Variants in APBB2 observed in about 807,000 individuals in gnomAD.
APBB2 encodes amyloid beta precursor protein binding family B member 2, also known as Fe65-like 1.
APBB2 carries 38 observed loss-of-function variants against 82.5 expected under a neutral mutation model. The observed-to-expected ratio is 0.46, with a 90% CI of 0.36 to 0.60. APBB2 has a LOEUF of 0.60. Ranked by LOEUF, APBB2 falls within the 20% of genes least tolerant of loss-of-function variation. APBB2 has a pLI of 0.00. For missense variants in APBB2, 772 were observed against 972.3 expected, an observed-to-expected ratio of 0.79 and a Z score of 2.74; for synonymous variants, 341 against 368.2, an observed-to-expected ratio of 0.93 and a Z score of 0.85.
At chr4:41,002,503 T>C (rs764445138) in intron 6 of APBB2, among the ~76,000 whole-genome samples, 1 of 152,234 alleles carries the variant, frequency 6.6e-6, no homozygotes, top group Non-Finnish European at 1.5e-5. Context: ...CTGGTTCTTC[T>C]ACCGTAACAG....
At chr4:40,874,273 T>TAC (rs1766278941) in intron 12 of APBB2, among the ~76,000 whole-genome samples, 1 of 152,226 alleles carries the variant, frequency 6.6e-6, no homozygotes, top group Non-Finnish European at 1.5e-5. Context: ...ACTAAATTCT[T>TAC]ACATGCATAT....
chr4:40,884,988 T>C (rs1769808952), intron 12 of APBB2, among the ~76,000 whole-genome samples: 1 of 152,174 alleles, frequency 6.6e-6, no homozygotes, highest in Non-Finnish European at 1.5e-5. Flanking sequence ...TTAAAAGTTG[T>C]TCATCAAAAC....
intron 6 of APBB2, among the ~76,000 whole-genome samples, chr4:40,977,511 C>T (rs1399122373): frequency 6.6e-6 from 1 of 152,106 alleles, no homozygotes; most frequent in East Asian, 1.9e-4. Context: ...CAGAGTTTCG[C>T]CATGTTGGCC....
At chr4:41,111,871 A>G (rs1749308479) in intron 2 of APBB2, among the ~76,000 whole-genome samples, 1 of 152,218 alleles carries the variant, frequency 6.6e-6, no homozygotes, top group African/African-American at 2.4e-5. Context: ...TGTTTTTCTC[A>G]GGTCCTTTCC....
intron 6 of APBB2, among the ~76,000 whole-genome samples, chr4:40,946,347 C>T (rs761373790): frequency 6.6e-6 from 1 of 150,968 alleles, no homozygotes; most frequent in Non-Finnish European, 1.5e-5. Flanking sequence ...ACATGTGAAG[C>T]AGAGTGTGAG....
chr4:40,881,501 G>A lies in APBB2; in HGVS notation c.1529+8863C>T, dbSNP rs545287647. On this transcript the variant is annotated intron_variant, in intron 12 of 17. Transcript: ENST00000508593. ...CAAAAGAGACCCATTATTCCTTTTCGCTTTCTTTCCTTTTATCTTTTCTTT... is the reference window on the plus strand; with the variant it reads ...CAAAAGAGACCCATTATTCCTTTTCACTTTCTTTCCTTTTATCTTTTCTTT... The A allele has an allele frequency of 8.3e-5, 30 of 362,960 alleles. No homozygotes were observed. The South Asian group carries it at 3.2e-3, about 38-fold the overall frequency. 22.5% of individuals were successfully genotyped at this position (362,960 alleles called of 1,614,324 possible). A position where few individuals can be genotyped will look rare whatever the true frequency, so the allele number is the denominator to read the frequency against.
Position 40,934,717 on chromosome 4 carries a change from C to T in APBB2, c.1108-18G>A, listed in dbSNP as rs1484053677. The stretch of plus-strand genomic sequence containing the variant: ...TGCAAATCCTAGAGGAAAATAGAAC[C>T]TTGTTAATGTACAATGGGGGAGAAG... On this transcript the variant is annotated intron_variant, in intron 8 of 17. Transcript: ENST00000508593. 6.4e-7 allele frequency: 1 copy of T among 1,573,002 alleles called. No homozygotes were observed. Among genetic ancestry groups the T allele is most frequent in the Non-Finnish European group, 8.7e-7 (1 of 1,143,428 alleles).
intron 10 of APBB2, among the ~76,000 whole-genome samples, chr4:40,928,820 G>T (rs368238123): frequency 6.6e-6 from 1 of 151,116 alleles, no homozygotes; most frequent in Non-Finnish European, 1.5e-5. Context: ...AGAAGGCGGC[G>T]GTTGCAGTGA....
At chr4:40,848,359 C>T (rs1396022865) in intron 12 of APBB2, among the ~76,000 whole-genome samples, 2 of 152,176 alleles carry the variant, frequency 1.3e-5, no homozygotes, top group Non-Finnish European at 2.9e-5. Flanking sequence ...ATTGAAGGGT[C>T]AGAGAGTTTA....
rs1227831697 is a variant in APBB2, at chr4:41,095,632, G to A, written c.-149+5007C>T. Among the ~76,000 whole-genome samples the A allele has an allele frequency of 3.9e-5, 6 of 152,140 alleles. No homozygotes were observed. The East Asian group carries it at 7.7e-4, about 20-fold the overall frequency. On this transcript the variant is annotated intron_variant, in intron 3 of 17. Coordinates refer to ENST00000508593, the MANE Select transcript of APBB2 (RefSeq NM_004307.2). ...TAAATTATAAAAGGTGCTCTCTCTA[G>A]GCAGGCCAAGCCCCATGAGTGCACA...
At chr4:41,209,228 C>T (rs573325801) in intron 1 of APBB2, among the ~76,000 whole-genome samples, 1 of 152,284 alleles carries the variant, frequency 6.6e-6, no homozygotes, top group East Asian at 1.9e-4. Flanking sequence ...CTCACTGACT[C>T]ACTTAAAGGT....
chr4:40,924,426 T>C (rs1782099689), intron 10 of APBB2, among the ~76,000 whole-genome samples: 1 of 152,190 alleles, frequency 6.6e-6, no homozygotes, highest in Non-Finnish European at 1.5e-5. Context: ...CCACGTCTCA[T>C]CAAGAAGTGG....
chr4:41,040,434 A>T (rs80236939), intron 4 of APBB2, among the ~76,000 whole-genome samples: 3,069 of 152,338 alleles, frequency 0.02, 99 homozygotes, highest in African/African-American at 0.071. Flanking sequence ...TGTGCCAGGC[A>T]TTGTGCTAAG....
intron 8 of APBB2, 136 bp from the exon 9 acceptor site, chr4:40,934,835 G>C: frequency 1.4e-6 from 1 of 724,362 alleles, no homozygotes. Flanking sequence ...AGGCATGCAA[G>C]GACTGTTGAA....
chr4:40,811,648 T>C lies in APBB2; in HGVS notation c.*4444A>G, dbSNP rs530984102. On this transcript the variant is annotated 3_prime_UTR_variant, in exon 18 of 18. Coordinates refer to ENST00000508593, the MANE Select transcript of APBB2 (RefSeq NM_004307.2). ...TACATTCTTGGACTTCTTCTTGAGA[T>C]AAAAGTGCTGCAAAATTCTAAATAA... 68 of 138,402 alleles carry C rather than the reference T, an allele frequency of 4.9e-4. No homozygotes were observed. The highest frequency in any genetic ancestry group is 3.4e-3 in the Admixed American group (47 of 13,828). 8.6% of individuals were successfully genotyped at this position (138,402 alleles called of 1,614,324 possible). A position where few individuals can be genotyped will look rare whatever the true frequency, so the allele number is the denominator to read the frequency against.
intron 12 of APBB2, among the ~76,000 whole-genome samples, chr4:40,877,891 G>T (rs981987697): frequency 6.6e-6 from 1 of 152,218 alleles, no homozygotes; most frequent in Non-Finnish European, 1.5e-5. Flanking sequence ...CCCGGGCAGA[G>T]CAGCTCAGGG....
intron 6 of APBB2, among the ~76,000 whole-genome samples, chr4:41,011,485 C>A (rs1458847108): frequency 6.6e-6 from 1 of 152,146 alleles, no homozygotes; most frequent in Admixed American, 6.5e-5. Context: ...GGCTAGAGTG[C>A]AGTGGCGGGA....
At chr4:40,817,441 T>G (rs1196848289) in intron 17 of APBB2, among the ~76,000 whole-genome samples, 2 of 151,960 alleles carry the variant, frequency 1.3e-5, no homozygotes, top group Non-Finnish European at 2.9e-5. Flanking sequence ...ACAGCTGATC[T>G]TTGAACAACA....
At chr4:41,148,233 G>C (rs148696943) in intron 1 of APBB2, among the ~76,000 whole-genome samples, 1 of 152,244 alleles carries the variant, frequency 6.6e-6, no homozygotes, top group East Asian at 1.9e-4. Context: ...TTCAACTAGG[G>C]GAAGGCGAAT....
Sources: gnomAD v4.1 joint callset for allele counts (sites outside exome capture counted in the v4.1 genomes callset) on GRCh38, gnomAD v4.1.1 for gene constraint, MANE v1.5 for transcripts, NCBI Gene and HGNC (gene_info 2026-07-23, HGNC 2026-07-21) for gene names.